SGSM1: variants seen among roughly 807,000 people sequenced by gnomAD.
The protein encoded by SGSM1 is RUN and TBC1 domain containing 2.
SGSM1 carries 73 observed loss-of-function variants against 133.8 expected under a neutral mutation model. The ratio of observed to expected loss-of-function variants is 0.55; its 90% confidence interval spans 0.45 to 0.66. SGSM1 has a LOEUF of 0.66. SGSM1 is among the 30% of genes least tolerant of loss of function. The pLI is 0.00. For missense variants in SGSM1, 1,213 were observed against 1,448.1 expected (o/e 0.84, Z 2.64); for synonymous variants, 563 against 573.0 (o/e 0.98, Z 0.25).
intron 2 of SGSM1, among the ~76,000 whole-genome samples, chr22:24,833,351 ATAG>A (rs1279876738): frequency 6.6e-6 from 1 of 151,906 alleles, no homozygotes; most frequent in Admixed American, 6.6e-5. Context: ...ACATTCTGAG[ATAG>A]TAGTGTTAAG....
intron 24 of SGSM1, 69 bp from the exon 25 acceptor site, chr22:24,924,117 G>A (rs749315643): frequency 1.4e-6 from 2 of 1,457,964 alleles, no homozygotes; most frequent in Non-Finnish European, 1.9e-6. Context: ...AAGCCTCCAG[G>A]GGCTGGAATT....
intron 24 of SGSM1, among the ~76,000 whole-genome samples, chr22:24,922,312 C>G (rs1427161157): frequency 6.6e-6 from 1 of 151,646 alleles, no homozygotes; most frequent in Non-Finnish European, 1.5e-5. Flanking sequence ...TCCTGAATAG[C>G]TGCAACTGCA....
chr22:24,903,814 A>G (rs530632347), intron 20 of SGSM1, among the ~76,000 whole-genome samples: 4 of 152,196 alleles, frequency 2.6e-5, no homozygotes, highest in African/African-American at 9.6e-5. Flanking sequence ...TCTACTAAAA[A>G]TACAAAAATT....
Position 24,905,122 on chromosome 22 carries a change from T to A in SGSM1, c.2753T>A (p.Ile918Asn), listed in dbSNP as rs751432195. Residue 918 changes from isoleucine (I) to asparagine (N), a missense_variant, in exon 21 of 25, where the codon ATT becomes AAT. Transcript: ENST00000400358. Reference sequence around the variant, plus strand: ...TCTTCTAGCTACATCTGGCAGCACATTGAGATCGGCTATGTCCAGGGCATG... The same window carrying A: ...TCTTCTAGCTACATCTGGCAGCACAATGAGATCGGCTATGTCCAGGGCATG... ...NIMCSYIWQH[I>N]EIGYVQGMCD... 2 of 1,613,978 alleles carry A rather than the reference T, an allele frequency of 1.2e-6. No homozygotes were observed. Among genetic ancestry groups the A allele is most frequent in the Non-Finnish European group, 1.7e-6 (2 of 1,179,874 alleles).
chr22:24,918,648 C>T lies in SGSM1; in HGVS notation c.3025+894C>T, dbSNP rs185949740. ...AGACAGGCTCATGAAGAAGTAACTA[C>T]CCCAGGCTCCCCTTGCCAGCAAGTG... On this transcript the variant is annotated intron_variant, in intron 23 of 24. Transcript: ENST00000400358. Among the ~76,000 whole-genome samples the T allele has an allele frequency of 2.0e-3, 310 of 152,242 alleles. 2 individuals are homozygous for T. Among genetic ancestry groups the T allele is most frequent in the African/African-American group, 6.9e-3 (287 of 41,562 alleles).
chr22:24,811,053 A>G (rs1217345576), intron 2 of SGSM1, among the ~76,000 whole-genome samples: 1 of 152,154 alleles, frequency 6.6e-6, no homozygotes, highest in South Asian at 2.1e-4. Flanking sequence ...ACAGTGAGTA[A>G]GTTTTTAGTA....
At chr22:24,822,074 C>G (rs116732578) in intron 2 of SGSM1, among the ~76,000 whole-genome samples, 2,129 of 142,572 alleles carry the variant, frequency 0.015, 57 homozygotes, top group African/African-American at 0.044. Flanking sequence ...CATGCTCTAC[C>G]TGTTCATCTC....
rs769726484 is a variant in SGSM1 at position 24,868,511 on chromosome 22, A to G, written c.1130A>G (p.Asp377Gly). 5 of 1,606,352 alleles carry G rather than the reference A, an allele frequency of 3.1e-6. No individual in the cohort carries two copies. The African/African-American group carries it at 6.7e-5, about 22-fold the overall frequency. ...GGGCTGCTCCCACATGGGCAGTTGG[A>G]CCCGCCACTGTGGTCCCAGAGGGGT... ...ENGLLPHGQL[D>G]PPLWSQRGKG... is the part of the protein sequence containing the mutation. Residue 377 changes from aspartate (D) to glycine (G), a missense_variant, in exon 11 of 25, where the codon GAC becomes GGC. Coordinates refer to ENST00000400358, the MANE Select transcript of SGSM1 (RefSeq NM_001098497.3).
At chr22:24,917,254 GT>G (rs980983927) in intron 22 of SGSM1, among the ~76,000 whole-genome samples, 6 of 152,080 alleles carry the variant, frequency 3.9e-5, no homozygotes, top group Admixed American at 3.9e-4. Flanking sequence ...ATGTATTTAA[GT>G]TTTTGAGGAA....
At chr22:24,824,640 G>A (rs556519316) in intron 2 of SGSM1, among the ~76,000 whole-genome samples, 4 of 152,162 alleles carry the variant, frequency 2.6e-5, no homozygotes, top group South Asian at 2.1e-4. Context: ...TGAGCTCCAC[G>A]GTGGCTATGT....
intron 13 of SGSM1, among the ~76,000 whole-genome samples, 175 bp downstream of exon 13, chr22:24,876,890 A>T (rs1932053346): frequency 6.6e-6 from 1 of 152,250 alleles, no homozygotes; most frequent in Non-Finnish European, 1.5e-5. Context: ...TGTAATAGTC[A>T]GGATAAACAA....
At chr22:24,915,462 A>G (rs1601994435) in intron 22 of SGSM1, among the ~76,000 whole-genome samples, 1 of 152,212 alleles carries the variant, frequency 6.6e-6, no homozygotes. Flanking sequence ...AACACACACC[A>G]TCCTCACTTG....
intron 2 of SGSM1, among the ~76,000 whole-genome samples, chr22:24,817,372 GA>G (rs1705337308): frequency 7.2e-6 from 1 of 139,334 alleles, no homozygotes; most frequent in African/African-American, 2.7e-5. Context: ...TTTTTTTTTT[GA>G]GATGGAGTCT....
intron 2 of SGSM1, among the ~76,000 whole-genome samples, chr22:24,810,045 A>T (rs2147776454): frequency 6.6e-6 from 1 of 152,282 alleles, no homozygotes; most frequent in South Asian, 2.1e-4. Context: ...GAAGGAACCG[A>T]AGTGACCGGA....
At chr22:24,818,315 C>T (rs1402690105) in intron 2 of SGSM1, among the ~76,000 whole-genome samples, 1 of 151,992 alleles carries the variant, frequency 6.6e-6, no homozygotes, top group African/African-American at 2.4e-5. Context: ...GCTTAAATTA[C>T]CTCCCAGAAG....
chr22:24,889,496 G>A (rs9612800), intron 16 of SGSM1, among the ~76,000 whole-genome samples: 27,242 of 147,836 alleles, frequency 0.18, 2,550 homozygotes, highest in Middle Eastern at 0.27. Context: ...TGCAACCTCC[G>A]TCTCCCAGGC....
intron 2 of SGSM1, among the ~76,000 whole-genome samples, chr22:24,809,909 C>CTTTA (rs1927633289): frequency 6.6e-6 from 1 of 152,146 alleles, no homozygotes; most frequent in South Asian, 2.1e-4. Context: ...TTTCAGAAGA[C>CTTTA]AGGTGCAAGA....
chr22:24,888,585 T>C (rs111641463), intron 16 of SGSM1, among the ~76,000 whole-genome samples: 1,669 of 152,086 alleles, frequency 0.011, 29 homozygotes, highest in African/African-American at 0.038. Context: ...CTGACCAACA[T>C]AGCAAAACCC....
At position 24,881,192 on chromosome 22, in the gene SGSM1, C is replaced by CAA. The variant is rs757336427; in HGVS notation, c.1495+1685_1495+1686dup. ...TGGGTGACAAAGCAAGACTCCGTCT[C>CAA]AAAAAAAAAAAAAAAAAAAAGATGG... On this transcript the variant is annotated intron_variant, in intron 14 of 24. Coordinates refer to ENST00000400358, the MANE Select transcript of SGSM1 (RefSeq NM_001098497.3). 2.9e-3 allele frequency among the ~76,000 whole-genome samples: 160 copies of CAA among 54,356 alleles called. 1 individual carries two copies. Among genetic ancestry groups the CAA allele is most frequent in the African/African-American group, 8.1e-3 (145 of 17,952 alleles). 35.7% of individuals were successfully genotyped at this position (54,356 alleles called of 152,430 possible).
Sources: allele counts gnomAD v4.1 joint callset (sites outside exome capture counted in the v4.1 genomes callset), GRCh38; gene constraint gnomAD v4.1.1; transcripts MANE v1.5; gene names NCBI Gene and HGNC (gene_info 2026-07-23, HGNC 2026-07-21).